WDFY3: variants seen among roughly 807,000 people sequenced by gnomAD.
The protein encoded by WDFY3 is WD repeat and FYVE domain containing 3, also known as WD repeat and FYVE domain-containing protein 3.
WDFY3 carries 66 observed loss-of-function variants against 409.6 expected under a neutral mutation model. That is an observed-to-expected ratio of 0.16 (90% confidence interval 0.13 to 0.20). The LOEUF (loss-of-function observed/expected upper bound fraction) is 0.20. Among genes scored for constraint, WDFY3 ranks in the 10% least tolerant of loss-of-function variants. WDFY3 has a pLI of 1.00. For synonymous variants in WDFY3, 1,521 were observed against 1,537.1 expected (o/e 0.99, Z 0.25); for missense variants, 3,031 against 4,298.1 (o/e 0.71, Z 8.24).
intron 1 of WDFY3, among the ~76,000 whole-genome samples, chr4:84,944,406 C>G (rs886681973): frequency 6.6e-6 from 1 of 152,054 alleles, no homozygotes; most frequent in Non-Finnish European, 1.5e-5. Flanking sequence ...GTGGCGCACA[C>G]CTGTAGTACC....
chr4:84,813,597 C>A (rs909141457), intron 13 of WDFY3, among the ~76,000 whole-genome samples: 3 of 152,082 alleles, frequency 2.0e-5, no homozygotes, highest in African/African-American at 4.8e-5. Context: ...CCCTGGAAAT[C>A]AGTAAATGCA....
chr4:84,818,427 A>G (rs918832570), intron 12 of WDFY3, among the ~76,000 whole-genome samples: 16 of 152,112 alleles, frequency 1.1e-4, no homozygotes, highest in Non-Finnish European at 2.1e-4. Context: ...CAGTCTTACT[A>G]TTATTGCTTA....
At chr4:84,933,588 C>T (rs992096841) in intron 1 of WDFY3, among the ~76,000 whole-genome samples, 1 of 151,838 alleles carries the variant, frequency 6.6e-6, no homozygotes, top group Admixed American at 6.6e-5. Context: ...TATTAACTGT[C>T]ACCCTATTGT....
At chr4:84,835,755 C>A (rs1756481578) in intron 7 of WDFY3, among the ~76,000 whole-genome samples, 1 of 152,160 alleles carries the variant, frequency 6.6e-6, no homozygotes, top group Admixed American at 6.5e-5. Context: ...ACAGCTCTAT[C>A]TTTTCTACCC....
rs1220682399 is a variant in WDFY3 at position 84,794,704 on chromosome 4, C to T, written c.3302G>A (p.Ser1101Asn). 6.2e-7 allele frequency: 1 copy of T among 1,613,292 alleles called. No homozygotes were observed. The highest frequency in any genetic ancestry group is 1.7e-5 in the Admixed American group (1 of 59,954). ...ERFFPPPSGL[S>N]YSSWFCIEHF... Reference sequence around the variant, plus strand: ...TTCAATACAAAACCAGCTAGAGTAACTTAAGCCGGAGGGAGGAGGGAAGAA... The same window carrying T: ...TTCAATACAAAACCAGCTAGAGTAATTTAAGCCGGAGGGAGGAGGGAAGAA... Residue 1101 changes from serine to asparagine, a missense_variant, in exon 21 of 68, where the codon AGT (serine) becomes AAT (asparagine). Physicochemically the swap from Ser to Asn is conservative, Grantham distance 46. Transcript: ENST00000295888.
intron 4 of WDFY3, among the ~76,000 whole-genome samples, chr4:84,857,810 A>C (rs1166735209): frequency 1.3e-5 from 2 of 152,188 alleles, no homozygotes; most frequent in East Asian, 3.8e-4. Flanking sequence ...TAAATGCGTT[A>C]ATGTTTCTAT....
intron 60 of WDFY3, 63 bp downstream of exon 60, chr4:84,691,568 C>T: frequency 6.4e-7 from 1 of 1,559,010 alleles, no homozygotes; most frequent in Non-Finnish European, 8.7e-7. Flanking sequence ...CCCTATTAGT[C>T]ATATAGGATA....
In WDFY3 at chr4:84,737,285, A is replaced by C. The variant is rs981534981; in HGVS notation, c.6656T>G (p.Phe2219Cys). The C allele has an allele frequency of 6.2e-7, 1 of 1,614,082 alleles. No homozygotes were observed. ...TTCATTCACAGGTAGAGTTACTTTG[A>C]AAAGTTCCTCTAAGACTTGTTTCTT... The part of the protein sequence containing the change: ...HSKKQVLEEL[F>C]KVTLPVNERG... The change falls in exon 41 of 68, where the codon TTC becomes TGC. Residue 2219 changes from phenylalanine to cysteine, a missense_variant. By Grantham distance (205) the Phe-to-Cys change is radical. This residue lies in a region of WDFY3 where 314 missense variants were observed against 397.4 expected (regional missense o/e 0.79). Coordinates refer to ENST00000295888, the MANE Select transcript of WDFY3 (RefSeq NM_014991.6).
At chr4:84,899,575 T>C (rs1248775547) in intron 2 of WDFY3, among the ~76,000 whole-genome samples, 1 of 152,152 alleles carries the variant, frequency 6.6e-6, no homozygotes, top group African/African-American at 2.4e-5. Context: ...GCCCACACGT[T>C]TTTGTAAATA....
intron 25 of WDFY3, among the ~76,000 whole-genome samples, chr4:84,781,659 A>G (rs2149486924): frequency 6.6e-6 from 1 of 152,314 alleles, no homozygotes; most frequent in South Asian, 2.1e-4. Flanking sequence ...CATAGAGCTT[A>G]ACTGTATGGC....
chr4:84,879,933 G>A (rs978774605), intron 3 of WDFY3, among the ~76,000 whole-genome samples: 1 of 152,138 alleles, frequency 6.6e-6, no homozygotes, highest in Admixed American at 6.5e-5. Flanking sequence ...ACGAGTTAAC[G>A]TTTGTGTGAG....
At chr4:84,842,870 T>C (rs1757574010) in intron 5 of WDFY3, among the ~76,000 whole-genome samples, 1 of 152,254 alleles carries the variant, frequency 6.6e-6, no homozygotes, top group Non-Finnish European at 1.5e-5. Flanking sequence ...TTATCTTAGA[T>C]GTATTTTTTC....
chr4:84,701,111 A>G (rs1215657899), intron 56 of WDFY3, among the ~76,000 whole-genome samples: 1 of 152,248 alleles, frequency 6.6e-6, no homozygotes, highest in Non-Finnish European at 1.5e-5. Context: ...CTCTGTCTCA[A>G]TAAAAGAAAA....
chr4:84,776,178 G>C (rs1421464543), intron 27 of WDFY3, among the ~76,000 whole-genome samples: 1 of 151,964 alleles, frequency 6.6e-6, no homozygotes, highest in African/African-American at 2.4e-5. Context: ...TGGGAGAAAT[G>C]AAAGTCTCTT....
chr4:84,728,702 T>C (rs752978687), intron 44 of WDFY3, among the ~76,000 whole-genome samples: 12 of 152,112 alleles, frequency 7.9e-5, no homozygotes, highest in Non-Finnish European at 1.0e-4. Flanking sequence ...CCTGGTACCA[T>C]ATGATACAGT....
chr4:84,718,651 G>A, intron 47 of WDFY3, 81 bp from the exon 48 acceptor site: 1 of 1,473,800 alleles, frequency 6.8e-7, no homozygotes, highest in Non-Finnish European at 9.1e-7. Context: ...GGCATCCCTA[G>A]AGCTAAGCAT....
At chr4:84,737,158 G>A in intron 41 of WDFY3, 26 bp downstream of exon 41, 1 of 1,612,740 alleles carries the variant, frequency 6.2e-7, no homozygotes, top group Non-Finnish European at 8.5e-7. Context: ...TAAATCTCCT[G>A]GTGGTATGAT....
chr4:84,789,715 CA>C lies in WDFY3; in HGVS notation c.3669+10del. ...TAAAACAGGTAGATTTACAAGTGCA[CA>C]TACACTTACCTTTACAGTGTTAACA... On this transcript the variant is annotated intron_variant, in intron 22 of 67. Coordinates refer to ENST00000295888, the MANE Select transcript of WDFY3 (RefSeq NM_014991.6). 1 of 1,613,444 alleles carries C rather than the reference CA, an allele frequency of 6.2e-7. No individual in the cohort carries two copies. The highest frequency in any genetic ancestry group is 8.5e-7 in the Non-Finnish European group (1 of 1,179,668).
rs1749096527 is a variant in WDFY3, at chr4:84,794,799, C to T, written c.3269-62G>A. Reference sequence around the variant, plus strand: ...TAATATTTATATTTTTTAAAAGATGCCAACAAAAGCAAATAAACTCTAAAT... The same window carrying T: ...TAATATTTATATTTTTTAAAAGATGTCAACAAAAGCAAATAAACTCTAAAT... On this transcript the variant is annotated intron_variant, in intron 20 of 67. Coordinates refer to ENST00000295888, the MANE Select transcript of WDFY3 (RefSeq NM_014991.6). 2.0e-6 allele frequency: 3 copies of T among 1,512,390 alleles called. No individual in the cohort carries two copies. In the African/African-American group the frequency reaches 4.3e-5, roughly 22 times the overall value. 93.7% of individuals were successfully genotyped at this position (1,512,390 alleles called of 1,614,324 possible). A position where few individuals can be genotyped will look rare whatever the true frequency, so the allele number is the denominator to read the frequency against.
Sources: gnomAD v4.1 joint callset for allele counts (sites outside exome capture counted in the v4.1 genomes callset) on GRCh38, gnomAD v4.1.1 for gene constraint, gnomAD v4.1.1 regional missense constraint, MANE v1.5 for transcripts, NCBI Gene and HGNC (gene_info 2026-07-23, HGNC 2026-07-21) for gene names.